LINGO2: variants seen among roughly 807,000 people sequenced by gnomAD.
The protein encoded by LINGO2 is leucine rich repeat and Ig domain containing 2.
A neutral mutation model predicts 30.6 loss-of-function variants in LINGO2; 14 were observed. That is an observed-to-expected ratio of 0.46 (90% CI 0.30 to 0.72). LINGO2 has a LOEUF of 0.72. LINGO2 is among the 30% of genes least tolerant of loss of function. The pLI is 0.07. For missense variants in LINGO2, 729 were observed against 751.7 expected (o/e 0.97, Z 0.35); for synonymous variants, 317 against 288.5 (o/e 1.10, Z -1.00).
chr9:28,591,755 G>A (rs1824924437), intron 1 of LINGO2, among the ~76,000 whole-genome samples: 1 of 151,984 alleles, frequency 6.6e-6, no homozygotes, highest in Admixed American at 6.6e-5. Context: ...GATCCTTGTG[G>A]AAATCTTGAA....
chr9:29,149,422 T>C, the LINGO2 span, among the ~76,000 whole-genome samples: 7 of 151,370 alleles, frequency 4.6e-5, no homozygotes, highest in Admixed American at 6.6e-5. Context: ...CAACACACTT[T>C]GAACAGATAT....
At chr9:28,362,272 G>A (rs1462519079) in intron 3 of LINGO2, among the ~76,000 whole-genome samples, 3 of 152,054 alleles carry the variant, frequency 2.0e-5, no homozygotes, top group East Asian at 3.9e-4. Flanking sequence ...GCATGTGTGC[G>A]TGTTTGAGAG....
At chr9:29,127,066 A>G in the LINGO2 span, among the ~76,000 whole-genome samples, 8 of 152,158 alleles carry the variant, frequency 5.3e-5, no homozygotes, top group African/African-American at 1.9e-4. Context: ...ACCTTCCATG[A>G]CCAATCAGAT....
chr9:28,743,587 G>GT, the LINGO2 span, among the ~76,000 whole-genome samples: 38 of 152,000 alleles, frequency 2.5e-4, no homozygotes, highest in South Asian at 4.1e-4. Context: ...TTGGTTGACA[G>GT]TTTTTTTATT....
chr9:28,360,461 G>A (rs1206924254), intron 3 of LINGO2, among the ~76,000 whole-genome samples: 1 of 152,110 alleles, frequency 6.6e-6, no homozygotes, highest in African/African-American at 2.4e-5. Flanking sequence ...CATACAAACT[G>A]CCCCATGTCC....
intron 4 of LINGO2, among the ~76,000 whole-genome samples, chr9:28,153,113 A>G (rs1828043417): frequency 6.6e-6 from 1 of 152,196 alleles, no homozygotes; most frequent in Non-Finnish European, 1.5e-5. Context: ...TTTGTGTCCT[A>G]TAAGACATTT....
chr9:29,185,951 G>C, the LINGO2 span, among the ~76,000 whole-genome samples: 1 of 152,036 alleles, frequency 6.6e-6, no homozygotes, highest in South Asian at 2.1e-4. Flanking sequence ...AGTTCCTGAA[G>C]GCTTTTTAAA....
chr9:28,307,870 C>T (rs1323252415), intron 3 of LINGO2, among the ~76,000 whole-genome samples: 1 of 152,088 alleles, frequency 6.6e-6, no homozygotes, highest in African/African-American at 2.4e-5. Context: ...ATCCAACTTA[C>T]AAGGGATGTG....
chr9:28,711,170 G>C, the LINGO2 span, among the ~76,000 whole-genome samples: 21,086 of 151,992 alleles, frequency 0.14, 1,670 homozygotes, highest in East Asian at 0.31. Flanking sequence ...TAAGTGATAA[G>C]AAAATTAGGT....
intron 4 of LINGO2, among the ~76,000 whole-genome samples, chr9:28,041,494 G>A (rs139360419): frequency 4.6e-5 from 7 of 152,170 alleles, no homozygotes; most frequent in East Asian, 1.9e-4. Flanking sequence ...GTATGTGTGC[G>A]TGTGTAGTTA....
chr9:28,226,008 A>C (rs990608053), intron 4 of LINGO2, among the ~76,000 whole-genome samples: 1 of 152,148 alleles, frequency 6.6e-6, no homozygotes, highest in Non-Finnish European at 1.5e-5. Context: ...GAATGACTTC[A>C]TGTTGTATCT....
chr9:29,101,699 C>T, the LINGO2 span, among the ~76,000 whole-genome samples: 1 of 152,170 alleles, frequency 6.6e-6, no homozygotes, highest in Non-Finnish European at 1.5e-5. Context: ...TTTTACTTAG[C>T]ATAATAATCT....
At chr9:28,629,182 A>G (rs1202973853) in intron 1 of LINGO2, among the ~76,000 whole-genome samples, 1 of 152,082 alleles carries the variant, frequency 6.6e-6, no homozygotes, top group Non-Finnish European at 1.5e-5. Context: ...CAGGAAACCA[A>G]GCTGATACAG....
At chr9:29,114,996 G>A in the LINGO2 span, among the ~76,000 whole-genome samples, 6,287 of 151,824 alleles carry the variant, frequency 0.041, 201 homozygotes, top group Admixed American at 0.08. Context: ...TTTATTTTCC[G>A]ACAAACTTTA....
chr9:28,680,951 A>G, the LINGO2 span, among the ~76,000 whole-genome samples: 1 of 152,020 alleles, frequency 6.6e-6, no homozygotes, highest in African/African-American at 2.4e-5. Flanking sequence ...AGTTTTATAT[A>G]ACACCATTAG....
At chr9:28,731,037 C>T in the LINGO2 span, among the ~76,000 whole-genome samples, 1 of 151,764 alleles carries the variant, frequency 6.6e-6, no homozygotes, top group Non-Finnish European at 1.5e-5. Flanking sequence ...ATTGCCCAGG[C>T]TGGAGGGCAA....
At chr9:28,735,909 T>C in the LINGO2 span, among the ~76,000 whole-genome samples, 1 of 152,196 alleles carries the variant, frequency 6.6e-6, no homozygotes, top group Admixed American at 6.5e-5. Flanking sequence ...ACTTACTGTT[T>C]ATAGTCATAC....
intron 4 of LINGO2, among the ~76,000 whole-genome samples, chr9:28,038,529 T>C (rs1244030441): frequency 6.6e-6 from 1 of 151,936 alleles, no homozygotes; most frequent in Admixed American, 6.6e-5. Context: ...CAGTCTCTAC[T>C]AAAAATACAA....
intron 1 of LINGO2, among the ~76,000 whole-genome samples, chr9:28,536,731 C>T (rs776698395): frequency 6.6e-6 from 1 of 152,032 alleles, no homozygotes; most frequent in South Asian, 2.1e-4. Context: ...TCTGAACAGA[C>T]CATATACCAG....
Sources: allele counts gnomAD v4.1 joint callset (sites outside exome capture counted in the v4.1 genomes callset), GRCh38; gene constraint gnomAD v4.1.1; transcripts MANE v1.5; gene names NCBI Gene and HGNC (gene_info 2026-07-23, HGNC 2026-07-21).